CACNA2D1: variants seen among roughly 807,000 people sequenced by gnomAD.
CACNA2D1 encodes calcium voltage-gated channel auxiliary subunit alpha2delta 1, also known as voltage-dependent calcium channel subunit alpha-2/delta-1.
CACNA2D1 carries 53 observed loss-of-function variants against 171.5 expected under a neutral mutation model. The observed-to-expected ratio is 0.31, with a 90% CI of 0.25 to 0.39. CACNA2D1 has a LOEUF of 0.39. Among genes scored for constraint, CACNA2D1 ranks in the 10% least tolerant of loss-of-function variants. The probability of loss-of-function intolerance (pLI) is 1.00; values close to 1 mark genes in which losing one functional copy is unlikely to be tolerated. For missense variants in CACNA2D1, 903 were observed against 1,299.8 expected (o/e 0.69, Z 4.69); for synonymous variants, 442 against 443.1 (o/e 1.00, Z 0.03).
intron 6 of CACNA2D1, among the ~76,000 whole-genome samples, chr7:82,091,147 A>G (rs1170915414): frequency 6.6e-6 from 1 of 152,322 alleles, no homozygotes; most frequent in Middle Eastern, 3.4e-3. Context: ...GAATCTTTTC[A>G]GTGGATTTGG....
intron 3 of CACNA2D1, among the ~76,000 whole-genome samples, chr7:82,216,398 T>A (rs566305818): frequency 2.8e-4 from 42 of 152,192 alleles, no homozygotes; most frequent in Non-Finnish European, 5.6e-4. Flanking sequence ...TTTATTCACC[T>A]GACATTCACT....
chr7:82,422,907 G>T (rs1828847403), intron 1 of CACNA2D1, among the ~76,000 whole-genome samples: 1 of 151,854 alleles, frequency 6.6e-6, no homozygotes, highest in African/African-American at 2.4e-5. Flanking sequence ...AAATTTCCAT[G>T]CATTTTAATT....
intron 3 of CACNA2D1, among the ~76,000 whole-genome samples, chr7:82,297,179 A>T (rs1442322659): frequency 6.6e-6 from 1 of 151,646 alleles, no homozygotes; most frequent in Non-Finnish European, 1.5e-5. Flanking sequence ...TGAGCCCAGG[A>T]GGCTGAGGCT....
At chr7:82,207,335 T>C (rs1455459283) in intron 3 of CACNA2D1, among the ~76,000 whole-genome samples, 3 of 152,208 alleles carry the variant, frequency 2.0e-5, no homozygotes. Flanking sequence ...CCTCAGTTCA[T>C]GCTTCTGTAA....
intron 3 of CACNA2D1, among the ~76,000 whole-genome samples, chr7:82,196,815 C>A (rs1313177287): frequency 1.3e-5 from 2 of 149,676 alleles, no homozygotes; most frequent in Non-Finnish European, 3.0e-5. Flanking sequence ...TCATCTGGTA[C>A]ATTTTTTTTT....
chr7:82,168,858 T>G (rs1795732754), intron 4 of CACNA2D1, among the ~76,000 whole-genome samples: 1 of 152,084 alleles, frequency 6.6e-6, no homozygotes, highest in South Asian at 2.1e-4. Context: ...AAAAGGGTGC[T>G]TTGAACAGGG....
At chr7:82,250,892 C>A (rs1403674355) in intron 3 of CACNA2D1, among the ~76,000 whole-genome samples, 2 of 152,168 alleles carry the variant, frequency 1.3e-5, no homozygotes, top group Non-Finnish European at 2.9e-5. Context: ...TTACAGTTTG[C>A]CACAAGAATA....
intron 36 of CACNA2D1, among the ~76,000 whole-genome samples, chr7:81,960,340 T>G (rs577949438): frequency 6.6e-6 from 1 of 152,102 alleles, no homozygotes; most frequent in South Asian, 2.1e-4. Flanking sequence ...CACTCGAGGG[T>G]ATTGGGCACT....
chr7:82,345,614 A>T (rs991686315), intron 2 of CACNA2D1, among the ~76,000 whole-genome samples: 6 of 151,986 alleles, frequency 3.9e-5, no homozygotes, highest in Admixed American at 2.0e-4. Flanking sequence ...TTTAATTTTT[A>T]AAAATGTTAT....
chr7:81,956,652 C>A (rs1022366352), intron 38 of CACNA2D1, among the ~76,000 whole-genome samples: 11 of 152,020 alleles, frequency 7.2e-5, no homozygotes, highest in Non-Finnish European at 1.3e-4. Context: ...CTGAGACTCC[C>A]TCTGCTATTC....
intron 1 of CACNA2D1, among the ~76,000 whole-genome samples, chr7:82,377,254 T>C (rs1205753022): frequency 6.6e-6 from 1 of 152,186 alleles, no homozygotes; most frequent in Non-Finnish European, 1.5e-5. Flanking sequence ...CAGTTATTGA[T>C]TAAAGCTTCA....
chr7:82,091,062 G>T (rs1238127546), intron 6 of CACNA2D1, among the ~76,000 whole-genome samples: 1 of 152,024 alleles, frequency 6.6e-6, no homozygotes, highest in African/African-American at 2.4e-5. Context: ...GAAACCTACT[G>T]ATCTAATTAA....
At chr7:82,113,119 T>A (rs1205009180) in intron 6 of CACNA2D1, among the ~76,000 whole-genome samples, 2 of 152,112 alleles carry the variant, frequency 1.3e-5, no homozygotes, top group African/African-American at 4.8e-5. Context: ...GACAAAAGTA[T>A]CTGGTCCCTG....
At chr7:82,330,086 A>C (rs1019397912) in intron 3 of CACNA2D1, among the ~76,000 whole-genome samples, 1 of 152,086 alleles carries the variant, frequency 6.6e-6, no homozygotes, top group African/African-American at 2.4e-5. Context: ...AAAAAAAAGC[A>C]AAATTGCTAT....
intron 6 of CACNA2D1, among the ~76,000 whole-genome samples, chr7:82,112,881 T>C (rs919051673): frequency 1.3e-5 from 2 of 152,270 alleles, no homozygotes; most frequent in African/African-American, 2.4e-5. Context: ...GATAACACAA[T>C]TGAATATCAA....
intron 2 of CACNA2D1, among the ~76,000 whole-genome samples, chr7:82,340,755 A>T (rs1199913315): frequency 6.6e-6 from 1 of 152,194 alleles, no homozygotes; most frequent in Non-Finnish European, 1.5e-5. Flanking sequence ...AAGAAGAAAG[A>T]TGACAGAAAA....
At chr7:81,950,612 TC>T in intron 38 of CACNA2D1, 104 bp from the exon 39 acceptor site, 1 of 1,449,002 alleles carries the variant, frequency 6.9e-7, no homozygotes, top group Non-Finnish European at 9.2e-7. Context: ...TAGTTCACTT[TC>T]TGAACTTACC....
chr7:82,087,020 C>A (rs1810559461), intron 6 of CACNA2D1, among the ~76,000 whole-genome samples: 1 of 152,068 alleles, frequency 6.6e-6, no homozygotes, highest in Non-Finnish European at 1.5e-5. Context: ...CAAAATATTT[C>A]TCTCAAAATG....
intron 3 of CACNA2D1, among the ~76,000 whole-genome samples, chr7:82,264,185 T>C (rs1018393725): frequency 3.9e-5 from 6 of 152,216 alleles, no homozygotes; most frequent in South Asian, 2.1e-4. Context: ...CCTGTCTAAA[T>C]AGAAAATGCA....
Sources: gnomAD v4.1 joint callset for allele counts (sites outside exome capture counted in the v4.1 genomes callset) on GRCh38, gnomAD v4.1.1 for gene constraint, MANE v1.5 for transcripts, NCBI Gene and HGNC (gene_info 2026-07-23, HGNC 2026-07-21) for gene names.